Variants in KIFC3 observed in about 807,000 individuals in gnomAD.
KIFC3 encodes kinesin-like protein KIFC3.
KIFC3 carries 60 observed loss-of-function variants against 101.8 expected under a neutral mutation model. The ratio of observed to expected loss-of-function variants is 0.59; its 90% CI spans 0.48 to 0.73. KIFC3 has a LOEUF of 0.73. Among genes scored for constraint, KIFC3 ranks in the 30% least tolerant of loss-of-function variants. KIFC3 has a pLI of 0.00. For synonymous variants in KIFC3, 476 were observed against 482.7 expected (o/e 0.99, Z 0.18); for missense variants, 966 against 1,137.1 (o/e 0.85, Z 2.16).
chr16:57,815,731 C>A, intron 1 of KIFC3: 2 of 1,132,284 alleles, frequency 1.8e-6, no homozygotes, highest in Non-Finnish European at 1.2e-6. Context: ...CTCAACTCCA[C>A]CCAGCCATGG....
intron 1 of KIFC3, among the ~76,000 whole-genome samples, chr16:57,857,978 C>T (rs1034582987): frequency 3.3e-5 from 5 of 151,658 alleles, no homozygotes; most frequent in Middle Eastern, 3.2e-3. Context: ...CCACCCCACC[C>T]GACTAATTTT....
chr16:57,812,202 C>A (rs1034514732), intron 1 of KIFC3, among the ~76,000 whole-genome samples: 3 of 151,790 alleles, frequency 2.0e-5, no homozygotes, highest in Non-Finnish European at 2.9e-5. Flanking sequence ...GCCACCTCGC[C>A]CGGCTAATTT....
chr16:57,795,215 A>C, intron 2 of KIFC3, 74 bp from the exon 3 acceptor site: 1 of 1,540,950 alleles, frequency 6.5e-7, no homozygotes, highest in South Asian at 1.2e-5. Flanking sequence ...ACCACTGGCC[A>C]GGGCCGCAGC....
Position 57,776,217 on chromosome 16 carries a change from A to G in KIFC3, c.316-3929T>C, listed in dbSNP as rs1467988195. Reference sequence around the variant, plus strand: ...CTGAAGCTGCTGAGCTGGGAAGGCCAGAGGGTCTGGGATCCAGACAACCTC... The same window carrying G: ...CTGAAGCTGCTGAGCTGGGAAGGCCGGAGGGTCTGGGATCCAGACAACCTC... On this transcript the variant is annotated intron_variant, in intron 3 of 19. Transcript: ENST00000445690. 4 of 985,422 alleles carry G rather than the reference A, an allele frequency of 4.1e-6. No individual in the cohort carries two copies. In the South Asian group the frequency reaches 1.9e-4, roughly 46 times the overall value. 61.0% of individuals were successfully genotyped at this position (985,422 alleles called of 1,614,324 possible). A position where few individuals can be genotyped will look rare whatever the true frequency, so the allele number is the denominator to read the frequency against.
In KIFC3 at chr16:57,797,443, G is replaced by A. The variant is rs191376182; in HGVS notation, c.172+629C>T. Among the ~76,000 whole-genome samples, 182 of 152,286 alleles carry A rather than the reference G, an allele frequency of 1.2e-3. 1 individual carries two copies. Among genetic ancestry groups the A allele is most frequent in the African/African-American group, 4.4e-3 (181 of 41,552 alleles). ...AGAAGCCGCTCACTTCTTGACTTTC[G>A]CAGCACCGGGGGACATGACCCAGAA... On this transcript the variant is annotated intron_variant, in intron 2 of 19. Transcript: ENST00000445690.
At chr16:57,794,429 T>C (rs2054135997) in intron 3 of KIFC3, among the ~76,000 whole-genome samples, 1 of 151,778 alleles carries the variant, frequency 6.6e-6, no homozygotes, top group South Asian at 2.1e-4. Context: ...TCTCACTATA[T>C]TGTCCAGGCT....
Position 57,790,037 on chromosome 16 carries a change from A to AT in KIFC3, c.315+4961dup, listed in dbSNP as rs782112792. 2.8e-3 allele frequency among the ~76,000 whole-genome samples: 331 copies of AT among 119,322 alleles called. 1 individual carries two copies. Among genetic ancestry groups the AT allele is most frequent in the Non-Finnish European group, 4.6e-3 (257 of 55,356 alleles). The allele number at this position is 119,322 out of a possible 152,430, so 78.3% of individuals were successfully genotyped here. ...CAGGCATGAGCCACTGCGCCTGGCC[A>AT]TTTTTTTTTGCTTTCTTTTTCTTTC... On this transcript the variant is annotated intron_variant, in intron 3 of 19. Transcript: ENST00000445690.
Position 57,764,233 on chromosome 16 carries a change from C to T in KIFC3, c.1527G>A (p.Val509=). The change falls in exon 12 of 20, where the codon GTG becomes GTA. Residue 509 remains valine (V), a synonymous_variant. Transcript: ENST00000445690. ...CAATGCAAGAGGTGACCAGGGCCTG[C>T]ACCTCCTGGAACACCTGGGAGGGTG... ...QASQQDVFQE[V]QALVTSCIDG... 1.3e-6 allele frequency: 2 copies of T among 1,595,112 alleles called. No individual in the cohort carries two copies. The highest frequency in any genetic ancestry group is 1.7e-6 in the Non-Finnish European group (2 of 1,165,532).
chr16:57,771,108 T>A, intron 6 of KIFC3, 90 bp downstream of exon 6: 1 of 1,490,354 alleles, frequency 6.7e-7, no homozygotes, highest in Non-Finnish European at 9.2e-7. Context: ...ACCTACCTAT[T>A]CACCAGGACA....
At chr16:57,785,437 T>C (rs540065797) in intron 3 of KIFC3, 1 of 1,264,610 alleles carries the variant, frequency 7.9e-7, no homozygotes, top group African/African-American at 1.5e-5. Flanking sequence ...GGCAGTGGCC[T>C]CTGCCCATCC....
At position 57,760,318 on chromosome 16, in the gene KIFC3, T is replaced by C. The variant is rs782495864; in HGVS notation, c.2331A>G (p.Ala777=). ...SVELGPGLRR[A]ELGSWSSQEH... is the part of the protein sequence containing the mutation. ...CCTGGCTTGACCAGGACCCAAGCTC[T>C]GCCCTGCGTAGCCCAGGCCCCAGCT... The change falls in exon 17 of 20, where the codon GCA becomes GCG. Residue 777 remains alanine, a synonymous_variant. Transcript: ENST00000445690. 11 of 1,613,864 alleles carry C rather than the reference T, an allele frequency of 6.8e-6. No homozygotes were observed. The Admixed American group carries it at 1.3e-4, about 20-fold the overall frequency.
chr16:57,767,856 TG>T (rs1555604247), intron 9 of KIFC3, among the ~76,000 whole-genome samples: 1 of 152,054 alleles, frequency 6.6e-6, no homozygotes, highest in African/African-American at 2.4e-5. Context: ...TATATTTTTT[TG>T]TAGAGATGGG....
intron 1 of KIFC3, among the ~76,000 whole-genome samples, chr16:57,835,921 G>C (rs1555480274): frequency 5.3e-5 from 8 of 152,132 alleles, no homozygotes; most frequent in Non-Finnish European, 1.2e-4. Context: ...CTGCACTCTA[G>C]CCTAGATGAC....
Position 57,759,837 on chromosome 16 carries a change from C to T in KIFC3, c.2368-1G>A. On this transcript the variant is annotated splice_acceptor_variant, in intron 17 of 19. Coordinates refer to ENST00000445690, the MANE Select transcript of KIFC3 (RefSeq NM_001130100.2). LOFTEE classifies it high-confidence loss of function. Reference sequence around the variant, plus strand: ...GTGGCGTCTGACAAGCCGGCTCCCACTGTGAGCAGGGAAGGGCGGATGGGC... The same window carrying T: ...GTGGCGTCTGACAAGCCGGCTCCCATTGTGAGCAGGGAAGGGCGGATGGGC... 6.2e-7 allele frequency: 1 copy of T among 1,606,874 alleles called. No homozygotes were observed. Among genetic ancestry groups the T allele is most frequent in the Non-Finnish European group, 8.5e-7 (1 of 1,177,268 alleles).
chr16:57,801,294 G>A (rs781989119), intron 1 of KIFC3, among the ~76,000 whole-genome samples: 4 of 152,138 alleles, frequency 2.6e-5, no homozygotes, highest in Non-Finnish European at 5.9e-5. Context: ...TGGTCGCCCT[G>A]GGAGAGCAGG....
chr16:57,812,324 G>A (rs1425907330), intron 1 of KIFC3, among the ~76,000 whole-genome samples: 36 of 149,302 alleles, frequency 2.4e-4, no homozygotes, highest in Admixed American at 1.5e-3. Flanking sequence ...TTACAGGCAT[G>A]AGCCACTGCG....
At chr16:57,809,009 G>A (rs1259085020) in intron 1 of KIFC3, among the ~76,000 whole-genome samples, 1 of 152,234 alleles carries the variant, frequency 6.6e-6, no homozygotes, top group Non-Finnish European at 1.5e-5. Flanking sequence ...AATCATGTAA[G>A]TGCTGGGTGT....
chr16:57,774,689 A>ATT (rs34004359), intron 3 of KIFC3: 491 of 298,046 alleles, frequency 1.6e-3, no homozygotes, highest in Middle Eastern at 2.6e-3. Flanking sequence ...CGCCCGGCTA[A>ATT]TTTTTTTTTT....
intron 1 of KIFC3, among the ~76,000 whole-genome samples, chr16:57,847,268 A>AAGGGAGGG (rs1555482764): frequency 5.1e-5 from 3 of 58,568 alleles, no homozygotes; most frequent in East Asian, 4.7e-4. Context: ...GGAAGGAAGG[A>AAGGGAGGG]AGGGAAGGGA....
Sources: allele counts gnomAD v4.1 joint callset (sites outside exome capture counted in the v4.1 genomes callset), GRCh38; gene constraint gnomAD v4.1.1; transcripts MANE v1.5; gene names NCBI Gene and HGNC (gene_info 2026-07-23, HGNC 2026-07-21).